CUX1: variants seen among roughly 807,000 people sequenced by gnomAD.
The protein encoded by CUX1 is cut like homeobox 1, also known as protein CASP.
A neutral mutation model predicts 158.8 loss-of-function variants in CUX1; 31 were observed. The observed-to-expected ratio is 0.20, with a 90% CI of 0.15 to 0.26. The LOEUF is 0.26. CUX1 is among the 10% of genes least tolerant of loss of function. CUX1 has a pLI of 1.00. For missense variants in CUX1, 1,589 were observed against 2,014.6 expected, an observed-to-expected ratio of 0.79 and a Z score of 4.04; for synonymous variants, 879 against 862.1, an observed-to-expected ratio of 1.02 and a Z score of -0.34.
In CUX1 at chr7:102,053,874, C is replaced by T. The variant is rs572031322; in HGVS notation, c.190-16465C>T. ...CAGGGTGGCTGCAGTGTCACGATCTCGGCTCACTGCAACCTGTGCCTCCCA... is the reference window on the plus strand; with the variant it reads ...CAGGGTGGCTGCAGTGTCACGATCTTGGCTCACTGCAACCTGTGCCTCCCA... On this transcript the variant is annotated intron_variant, in intron 3 of 23. Transcript: ENST00000292535. 1.6e-4 allele frequency among the ~76,000 whole-genome samples: 24 copies of T among 147,200 alleles called. No individual in the cohort carries two copies. In the South Asian group the frequency reaches 3.9e-3, roughly 24 times the overall value.
chr7:102,085,425 A>G (rs1369855923), intron 4 of CUX1, among the ~76,000 whole-genome samples: 5 of 152,154 alleles, frequency 3.3e-5, no homozygotes, highest in Admixed American at 6.5e-5. Flanking sequence ...GTGGGAGGTA[A>G]TTGAATCATG....
In CUX1 at chr7:102,254,728, A is replaced by G; in HGVS notation, c.*5686A>G. On this transcript the variant is annotated 3_prime_UTR_variant, in exon 24 of 24. Coordinates refer to ENST00000292535, the MANE Select transcript of CUX1 (RefSeq NM_181552.4). ...ACATTAGGGAAGCCTTTGTGACCAC[A>G]AGGGCAGGGCTTGTGCCCTGAGTGG... 1 of 985,494 alleles carries G rather than the reference A, an allele frequency of 1.0e-6. No individual in the cohort carries two copies. 61.0% of individuals were successfully genotyped at this position (985,494 alleles called of 1,614,324 possible). A position where few individuals can be genotyped will look rare whatever the true frequency, so the allele number is the denominator to read the frequency against.
chr7:101,908,040 T>C (rs1001900034), intron 1 of CUX1, among the ~76,000 whole-genome samples: 1 of 152,156 alleles, frequency 6.6e-6, no homozygotes, highest in Non-Finnish European at 1.5e-5. Flanking sequence ...CAAGTGTAGA[T>C]ATGAAAGACT....
At chr7:102,171,496 G>A (rs782133371) in intron 10 of CUX1, among the ~76,000 whole-genome samples, 1 of 149,442 alleles carries the variant, frequency 6.7e-6, no homozygotes, top group Non-Finnish European at 1.5e-5. Context: ...TGCCCAGGCT[G>A]GAGTGCAGTG....
chr7:102,008,451 G>A (rs1248185994), intron 2 of CUX1, among the ~76,000 whole-genome samples: 8 of 151,970 alleles, frequency 5.3e-5, no homozygotes, highest in Admixed American at 2.6e-4. Flanking sequence ...GGCCCCCGTT[G>A]TAGGCTAGCT....
At chr7:102,190,034 A>T (rs527599471) in intron 12 of CUX1, among the ~76,000 whole-genome samples, 163 bp downstream of exon 12, 3 of 152,370 alleles carry the variant, frequency 2.0e-5, no homozygotes, top group Non-Finnish European at 4.4e-5. Flanking sequence ...GTCCTGGGCT[A>T]CCCACCACTG....
Position 102,227,516 on chromosome 7 carries a change from G to C in CUX1, c.3280G>C (p.Asp1094His). The change falls in exon 21 of 24, where the codon GAC (aspartate) becomes CAC (histidine). Residue 1094 changes from aspartate to histidine, a missense_variant. By Grantham distance (81) the Asp-to-His change is moderately conservative. Around this residue, in one of 8 missense-constraint regions of CUX1, gnomAD observed 259 missense variants for 373.8 expected, o/e 0.69. Transcript: ENST00000292535. ...GGACAGCAAGCCACCAGAGCCCAGT[G>C]ACCCGCCAGCATCCGACTCCCAGCC... is the stretch of plus-strand genomic sequence containing the variant. Reference protein sequence around the residue: ...SKDSKPPEPSDPPASDSQPTT... With the variant: ...SKDSKPPEPSHPPASDSQPTT... 1 of 1,614,014 alleles carries C rather than the reference G, an allele frequency of 6.2e-7. No homozygotes were observed.
chr7:101,970,389 A>C (rs1448255671), intron 2 of CUX1, among the ~76,000 whole-genome samples: 2 of 151,672 alleles, frequency 1.3e-5, no homozygotes, highest in Non-Finnish European at 2.9e-5. Flanking sequence ...GGCTGTTCCC[A>C]CCTGCAGTTC....
At chr7:102,057,136 C>T (rs1372210587) in intron 3 of CUX1, among the ~76,000 whole-genome samples, 2 of 152,014 alleles carry the variant, frequency 1.3e-5, no homozygotes, top group Admixed American at 6.6e-5. Flanking sequence ...CTCCTGACCT[C>T]GTGATCCGCC....
chr7:102,228,190 A>G (rs1019645620), intron 21 of CUX1, among the ~76,000 whole-genome samples: 41 of 151,638 alleles, frequency 2.7e-4, no homozygotes, highest in African/African-American at 8.9e-4. Context: ...GCCTCAAGCA[A>G]TCTGCCCACC....
chr7:102,059,284 C>A (rs1283383464), intron 3 of CUX1, among the ~76,000 whole-genome samples: 6 of 152,198 alleles, frequency 3.9e-5, no homozygotes, highest in South Asian at 2.1e-4. Flanking sequence ...GGATCCCACA[C>A]CCTTTCTCCA....
chr7:101,818,711 T>G (rs1792153501), intron 1 of CUX1, among the ~76,000 whole-genome samples: 1 of 152,220 alleles, frequency 6.6e-6, no homozygotes, highest in Non-Finnish European at 1.5e-5. Flanking sequence ...TTTGCAAACT[T>G]TAGTCGAATA....
At chr7:102,189,363 TG>T (rs1452861444) in intron 11 of CUX1, among the ~76,000 whole-genome samples, 3 of 78,514 alleles carry the variant, frequency 3.8e-5, no homozygotes, top group Non-Finnish European at 5.6e-5. Context: ...TTTTTTTGGG[TG>T]CGGGGGGGGA....
At chr7:102,130,115 A>G (rs1184117971) in intron 8 of CUX1, among the ~76,000 whole-genome samples, 2 of 152,148 alleles carry the variant, frequency 1.3e-5, no homozygotes, top group Non-Finnish European at 2.9e-5. Context: ...TCCAATTGCC[A>G]GAAAGACAGT....
chr7:102,022,487 G>T (rs1240192855), intron 2 of CUX1, among the ~76,000 whole-genome samples: 1 of 152,030 alleles, frequency 6.6e-6, no homozygotes, highest in Non-Finnish European at 1.5e-5. Context: ...ACATGGTGGC[G>T]CATGCCTCTA....
chr7:101,956,681 T>G (rs559156169), intron 2 of CUX1, among the ~76,000 whole-genome samples: 1 of 152,384 alleles, frequency 6.6e-6, no homozygotes, highest in South Asian at 2.1e-4. Context: ...GCACAGTGGC[T>G]CACGCCTATA....
At chr7:101,928,264 A>G (rs1316269653) in intron 2 of CUX1, among the ~76,000 whole-genome samples, 1 of 152,134 alleles carries the variant, frequency 6.6e-6, no homozygotes. Flanking sequence ...GGGATTCAGA[A>G]CAACCCAGGC....
intron 2 of CUX1, among the ~76,000 whole-genome samples, chr7:101,955,732 A>C (rs1019572178): frequency 5.3e-5 from 8 of 152,220 alleles, no homozygotes; most frequent in African/African-American, 1.9e-4. Flanking sequence ...ACTAACGGGA[A>C]ATCAGAAAAG....
rs573823534 is a variant in CUX1 at position 102,140,238 on chromosome 7, G to T, written c.675-18322G>T. 9.9e-4 allele frequency among the ~76,000 whole-genome samples: 150 copies of T among 151,722 alleles called. 3 individuals are homozygous for T. The highest frequency in any genetic ancestry group is 6.2e-3 in the South Asian group (30 of 4,808). ...TCTACCTATGTGGGTTTGTTTTTTT[G>T]TTTGTTTGTTTGTTTGTTTGTTTTT... On this transcript the variant is annotated intron_variant, in intron 8 of 23. Transcript: ENST00000292535.
Sources: gnomAD v4.1 joint callset for allele counts (sites outside exome capture counted in the v4.1 genomes callset) on GRCh38, gnomAD v4.1.1 for gene constraint, gnomAD v4.1.1 regional missense constraint, MANE v1.5 for transcripts, NCBI Gene and HGNC (gene_info 2026-07-23, HGNC 2026-07-21) for gene names.